The following SRPK2 variants were observed in gnomAD, a reference collection of about 807,000 sequenced individuals.
SRPK2 encodes SFRS protein kinase 2.
In SRPK2, 21 loss-of-function variants were observed where a neutral mutation model predicts 90.8. The ratio of observed to expected loss-of-function variants is 0.23; its 90% CI spans 0.16 to 0.33. The LOEUF is 0.33. Among genes scored for constraint, SRPK2 ranks in the 10% least tolerant of loss-of-function variants. The pLI, the probability that SRPK2 is intolerant of heterozygous loss-of-function variation, is 1.00. For synonymous variants in SRPK2, 288 were observed against 311.1 expected, an observed-to-expected ratio of 0.93 and a Z score of 0.78; for missense variants, 620 against 869.0, an observed-to-expected ratio of 0.71 and a Z score of 3.60.
At chr7:105,167,674 G>C (rs933473116) in intron 5 of SRPK2, among the ~76,000 whole-genome samples, 3 of 151,526 alleles carry the variant, frequency 2.0e-5, no homozygotes, top group Admixed American at 1.3e-4. Flanking sequence ...GCAGTGGTAC[G>C]ATCTCGGCTC....
chr7:105,165,665 C>T (rs1789949941), intron 6 of SRPK2, among the ~76,000 whole-genome samples: 1 of 152,158 alleles, frequency 6.6e-6, no homozygotes. Context: ...ATTGTAAATG[C>T]ACCAATCAGC....
chr7:105,274,459 G>A (rs942295450), intron 2 of SRPK2, among the ~76,000 whole-genome samples: 5 of 152,046 alleles, frequency 3.3e-5, no homozygotes, highest in African/African-American at 1.2e-4. Context: ...CTACTCGGGA[G>A]GCTGAGGCAG....
chr7:105,333,688 G>A (rs1428991611), intron 2 of SRPK2, among the ~76,000 whole-genome samples: 1 of 152,184 alleles, frequency 6.6e-6, no homozygotes. Flanking sequence ...AGAGACAGAA[G>A]AGAATACACA....
intron 2 of SRPK2, among the ~76,000 whole-genome samples, chr7:105,355,026 C>T (rs1165585208): frequency 6.6e-6 from 1 of 152,034 alleles, no homozygotes; most frequent in Non-Finnish European, 1.5e-5. Flanking sequence ...CTTCTTTGAT[C>T]CAGTATAATG....
chr7:105,200,757 G>A (rs932734285), intron 3 of SRPK2, among the ~76,000 whole-genome samples: 2 of 152,024 alleles, frequency 1.3e-5, no homozygotes, highest in Admixed American at 6.6e-5. Flanking sequence ...TAAAATAACC[G>A]GTTTACAATC....
intron 3 of SRPK2, among the ~76,000 whole-genome samples, chr7:105,201,212 T>C (rs1795506179): frequency 6.6e-6 from 1 of 152,188 alleles, no homozygotes; most frequent in Non-Finnish European, 1.5e-5. Context: ...ATACAAACTG[T>C]TGTGGAATAT....
At chr7:105,184,980 A>G (rs1793386674) in intron 3 of SRPK2, among the ~76,000 whole-genome samples, 1 of 152,146 alleles carries the variant, frequency 6.6e-6, no homozygotes. Context: ...CTATGAGATC[A>G]TTAAAAGGAC....
chr7:105,332,346 A>AT (rs1814520910), intron 2 of SRPK2, among the ~76,000 whole-genome samples: 2 of 152,326 alleles, frequency 1.3e-5, no homozygotes, highest in Non-Finnish European at 2.9e-5. Flanking sequence ...AGCATTGCTC[A>AT]TAACTTTGGA....
chr7:105,284,767 G>C (rs1807839205), intron 2 of SRPK2, among the ~76,000 whole-genome samples: 1 of 152,158 alleles, frequency 6.6e-6, no homozygotes. Context: ...ACTGCAGCAA[G>C]TAATAGTAAA....
intron 3 of SRPK2, among the ~76,000 whole-genome samples, chr7:105,201,523 T>C (rs778932666): frequency 5.0e-4 from 76 of 151,796 alleles, no homozygotes; most frequent in Admixed American, 1.1e-3. Flanking sequence ...CTGACCCACA[T>C]ACTTAAGATC....
At chr7:105,192,123 A>G (rs983171923) in intron 3 of SRPK2, among the ~76,000 whole-genome samples, 10 of 150,278 alleles carry the variant, frequency 6.7e-5, no homozygotes, top group Non-Finnish European at 1.3e-4. Flanking sequence ...TAAGTTCTTT[A>G]GTGGTGATTT....
At chr7:105,312,705 A>G (rs1008589251) in intron 2 of SRPK2, among the ~76,000 whole-genome samples, 3 of 152,250 alleles carry the variant, frequency 2.0e-5, no homozygotes, top group Admixed American at 1.3e-4. Context: ...CAGTAAATCA[A>G]CTATTTTCAA....
intron 2 of SRPK2, chr7:105,244,621 G>C: frequency 1.5e-6 from 1 of 686,286 alleles, no homozygotes; most frequent in Non-Finnish European, 2.6e-6. Flanking sequence ...CAGCCCCAGC[G>C]CGCCAGGGCC....
At chr7:105,241,176 GTA>G (rs946922893) in intron 2 of SRPK2, among the ~76,000 whole-genome samples, 1 of 152,110 alleles carries the variant, frequency 6.6e-6, no homozygotes, top group African/African-American at 2.4e-5. Context: ...ACATATTGAG[GTA>G]TATAACAGGA....
At chr7:105,275,171 C>G (rs1459324077) in intron 2 of SRPK2, among the ~76,000 whole-genome samples, 2 of 152,156 alleles carry the variant, frequency 1.3e-5, no homozygotes, top group African/African-American at 4.8e-5. Context: ...TAAGCATGAG[C>G]CACAGCACCC....
intron 11 of SRPK2, among the ~76,000 whole-genome samples, chr7:105,135,271 A>AATCGG (rs1159073558): frequency 6.6e-5 from 10 of 152,240 alleles, no homozygotes; most frequent in Non-Finnish European, 1.2e-4. Flanking sequence ...GGAAAAGAAG[A>AATCGG]ATCGGAAGGG....
rs533468390 is a variant in SRPK2 at position 105,396,766 on chromosome 7, GAGAAAGAAAGAGAGAGAA to G, written n.153+2372_153+2389del. Among the ~76,000 whole-genome samples, 553 of 141,178 alleles carry G rather than the reference GAGAAAGAAAGAGAGAGAA, an allele frequency of 3.9e-3. 12 individuals carry two copies. The East Asian group carries it at 0.062, about 16-fold the overall frequency. 92.6% of individuals were successfully genotyped at this position (141,178 alleles called of 152,430 possible). ...GGAGGAGGAGAGGAGAGGAAAGAGA[GAGAAAGAAAGAGAGAGAA>G]AGAAAGAAAGAGAAAGAGAAAGAAA... On this transcript the variant is annotated intron_variant and non_coding_transcript_variant, in intron 1 of 3. Transcript: ENST00000462282.
chr7:105,115,548 G>A (rs1277074775), downstream of SRPK2: 1 of 152,182 alleles, frequency 6.6e-6, no homozygotes, highest in African/African-American at 2.4e-5. Context: ...TGAAGTCAGA[G>A]AGCTAGTTAT....
chr7:105,122,606 A>G (rs1800549476), intron 15 of SRPK2, among the ~76,000 whole-genome samples: 1 of 152,220 alleles, frequency 6.6e-6, no homozygotes, highest in East Asian at 1.9e-4. Flanking sequence ...AGTTCAGCTC[A>G]GACACTAAAT....
Sources: gnomAD v4.1 joint callset for allele counts (sites outside exome capture counted in the v4.1 genomes callset) on GRCh38, gnomAD v4.1.1 for gene constraint, MANE v1.5 for transcripts, NCBI Gene and HGNC (gene_info 2026-07-23, HGNC 2026-07-21) for gene names.